The following NRXN2 variants were observed in gnomAD, a reference collection of about 807,000 sequenced individuals.
The protein encoded by NRXN2 is neurexin-2-beta.
Under a neutral mutation model 128.8 loss-of-function variants are expected in NRXN2, and 29 were observed. That is an observed-to-expected ratio of 0.23 (90% CI 0.17 to 0.31). The LOEUF (loss-of-function observed/expected upper bound fraction) is 0.31, where lower values mean the gene tolerates loss of function less well. NRXN2 is among the 10% of genes least tolerant of loss of function. The pLI is 1.00. For synonymous variants in NRXN2, 1,098 were observed against 1,075.2 expected (o/e 1.02, Z -0.41); for missense variants, 1,881 against 2,452.6 (o/e 0.77, Z 4.92).
At chr11:64,705,624 TAC>T (rs1265340671) in intron 2 of NRXN2, among the ~76,000 whole-genome samples, 2 of 151,894 alleles carry the variant, frequency 1.3e-5, no homozygotes, top group South Asian at 4.2e-4. Context: ...ATACTATCTC[TAC>T]ACACACACAG....
At chr11:64,713,969 T>C (rs2135678603) in intron 1 of NRXN2, 26 bp from the exon 2 acceptor site, 1 of 154,956 alleles carries the variant, frequency 6.5e-6, no homozygotes, top group Non-Finnish European at 1.4e-5. Flanking sequence ...GAGGAAAGGG[T>C]TAATGAGAAC....
chr11:64,712,843 AC>A, intron 2 of NRXN2, 126 bp downstream of exon 2: 3 of 865,572 alleles, frequency 3.5e-6, no homozygotes, highest in Non-Finnish European at 5.4e-6. Context: ...GAGCGCTCGC[AC>A]CCACTCACAA....
At position 64,660,839 on chromosome 11, in the gene NRXN2, C is replaced by A; in HGVS notation, c.2099G>T (p.Arg700Leu). Residue 700 changes from arginine to leucine, a missense_variant, in exon 10 of 23, where the codon CGC becomes CTC. Arg to Leu is a moderately radical substitution (Grantham distance 102). Around this residue, in one of 7 missense-constraint regions of NRXN2, gnomAD observed 997 missense variants for 1,240.8 expected, o/e 0.80. Transcript: ENST00000265459. The surrounding 1 kb of genome is among the most constrained non-coding windows in gnomAD (Gnocchi z 5.2). ...GCCTTCTCGACAGACGCCCCCATTG[C>A]GACAGGGGGCAGATGCACACTGCTT... Reference protein sequence around the residue: ...TLKQCASAPCRNGGVCREGWN... With the variant: ...TLKQCASAPCLNGGVCREGWN... The A allele has an allele frequency of 1.2e-6, 2 of 1,614,012 alleles. No individual in the cohort carries two copies. The highest frequency in any genetic ancestry group is 1.7e-6 in the Non-Finnish European group (2 of 1,179,974).
chr11:64,677,058 G>C, intron 6 of NRXN2, 21 bp from the exon 7 acceptor site: 1 of 1,366,776 alleles, frequency 7.3e-7, no homozygotes, highest in Non-Finnish European at 9.8e-7. Flanking sequence ...GATATGGGGG[G>C]ATGGGGAGGA....
At chr11:64,703,068 C>T (rs1286019907) in intron 2 of NRXN2, among the ~76,000 whole-genome samples, 1 of 151,314 alleles carries the variant, frequency 6.6e-6, no homozygotes, top group Non-Finnish European at 1.5e-5. Flanking sequence ...GAGAGCTAGC[C>T]TTCCTCTTTT....
Position 64,607,029 on chromosome 11 carries a change from G to A in NRXN2, c.*167C>T. The A allele has an allele frequency of 1.4e-6, 1 of 710,628 alleles. No homozygotes were observed. The highest frequency in any genetic ancestry group is 2.3e-6 in the Non-Finnish European group (1 of 439,576). 44.0% of individuals were successfully genotyped at this position (710,628 alleles called of 1,614,324 possible). Reference sequence around the variant, plus strand: ...CGCGCAGTGGACGGCAGGAGGAAGGGGGCGAGCACGGGGTTTTTCCTTTTC... The same window carrying A: ...CGCGCAGTGGACGGCAGGAGGAAGGAGGCGAGCACGGGGTTTTTCCTTTTC... On this transcript the variant is annotated 3_prime_UTR_variant, in exon 23 of 23. Transcript: ENST00000265459.
At position 64,661,027 on chromosome 11, in the gene NRXN2, C is replaced by T. The variant is rs745648181; in HGVS notation, c.1911G>A (p.Val637=). 1.9e-6 allele frequency: 3 copies of T among 1,613,582 alleles called. No homozygotes were observed. Among genetic ancestry groups the T allele is most frequent in the South Asian group, 1.1e-5 (1 of 91,084 alleles). The change falls in exon 10 of 23, where the codon GTG becomes GTA. Residue 637 remains valine (V), a synonymous_variant. Coordinates refer to ENST00000265459, the MANE Select transcript of NRXN2 (RefSeq NM_015080.4). ...YLGGLPEGGR[V]DLPLPPEVWT... ...ACACCTCTGGGGGCAGGGGCAGGTCCACCCGGCCCCCCTCAGGGAGACCGC... is the reference window on the plus strand; with the variant it reads ...ACACCTCTGGGGGCAGGGGCAGGTCTACCCGGCCCCCCTCAGGGAGACCGC...
intron 6 of NRXN2, among the ~76,000 whole-genome samples, chr11:64,682,342 C>A (rs1343668390): frequency 1.3e-5 from 2 of 151,624 alleles, no homozygotes; most frequent in Non-Finnish European, 2.9e-5. Flanking sequence ...TTAGGGGACT[C>A]CATCCTTGGC....
At chr11:64,698,374 CA>C (rs1160367678) in intron 2 of NRXN2, among the ~76,000 whole-genome samples, 1 of 152,214 alleles carries the variant, frequency 6.6e-6, no homozygotes, top group Non-Finnish European at 1.5e-5. Flanking sequence ...CTGACCCTCC[CA>C]GGGGTGAAAA....
chr11:64,693,541 G>C (rs1419988263), intron 3 of NRXN2, among the ~76,000 whole-genome samples: 1 of 152,084 alleles, frequency 6.6e-6, no homozygotes, highest in Non-Finnish European at 1.5e-5. Flanking sequence ...AAGATGGGGG[G>C]ATATAAAGAA....
chr11:64,640,084 C>A (rs1173437706), intron 17 of NRXN2, among the ~76,000 whole-genome samples: 3 of 152,054 alleles, frequency 2.0e-5, no homozygotes, highest in South Asian at 4.2e-4. Context: ...CCTCCCACCC[C>A]CTTCTATCGC....
chr11:64,619,477 C>G (rs890636744), intron 22 of NRXN2, among the ~76,000 whole-genome samples: 4 of 152,090 alleles, frequency 2.6e-5, no homozygotes, highest in East Asian at 1.9e-4. Context: ...AGGCCACCCC[C>G]GCTTTGCCAG....
chr11:64,676,986 T>C lies in NRXN2; in HGVS notation c.1197+7A>G, dbSNP rs1472505921. Reference sequence around the variant, plus strand: ...CCAAACGGTAAGACAATTAGAGTGATATCTACCAGATAATGCAGTTTGTTT... The same window carrying C: ...CCAAACGGTAAGACAATTAGAGTGACATCTACCAGATAATGCAGTTTGTTT... On this transcript the variant is annotated splice_region_variant and intron_variant, in intron 7 of 22. Transcript: ENST00000265459. 1 of 1,611,770 alleles carries C rather than the reference T, an allele frequency of 6.2e-7. No homozygotes were observed. Among genetic ancestry groups the C allele is most frequent in the East Asian group, 2.2e-5 (1 of 44,762 alleles).
At chr11:64,695,589 T>C (rs762259923) in intron 3 of NRXN2, among the ~76,000 whole-genome samples, 22 of 152,010 alleles carry the variant, frequency 1.4e-4, no homozygotes, top group Non-Finnish European at 2.8e-4. Context: ...CTAACTCTCC[T>C]ACTGAAACCC....
chr11:64,667,256 G>A lies in NRXN2; in HGVS notation c.1792C>T (p.Arg598Ter). The change falls in exon 9 of 23, where the codon CGA becomes TGA. Residue 598 changes from arginine to a stop codon, truncating the protein, a stop_gained. Coordinates refer to ENST00000265459, the MANE Select transcript of NRXN2 (RefSeq NM_015080.4). LOFTEE classifies it high-confidence loss of function. The surrounding 1 kb of genome is among the most constrained non-coding windows in gnomAD (Gnocchi z 5.6). The stretch of plus-strand genomic sequence containing the variant: ...GGTCCAGAGGCCTCCTGACCTTTTC[G>A]CCCATCCCTCTGGAAGTCCACGTGA... Reference protein sequence around the residue: ...WCHVDFQRDGRKGSISVNSRS... With the variant: ...WCHVDFQRDG 4 of 1,614,142 alleles carry A rather than the reference G, an allele frequency of 2.5e-6. No homozygotes were observed. The highest frequency in any genetic ancestry group is 3.4e-6 in the Non-Finnish European group (4 of 1,180,030).
chr11:64,660,465 C>T lies in NRXN2; in HGVS notation c.2256G>A (p.Glu752=), dbSNP rs748496310. The T allele has an allele frequency of 2.5e-6, 4 of 1,614,162 alleles. No homozygotes were observed. Among genetic ancestry groups the T allele is most frequent in the Non-Finnish European group, 3.4e-6 (4 of 1,180,024 alleles). ...KIMLPNAMHT[E]AEDVSLRFMS... is the part of the protein sequence containing the mutation. ...TGAAACGCAGGGACACATCCTCTGC[C>T]TCCGTGTGCATGGCGTTAGGCAGCA... The change falls in exon 11 of 23, where the codon GAG becomes GAA. Residue 752 remains glutamate, a synonymous_variant. Transcript: ENST00000265459. This position sits in a 1 kb window ranked among gnomAD's most constrained non-coding sequence, Gnocchi z 5.2.
Position 64,650,597 on chromosome 11 carries a change from A to G in NRXN2, c.2960T>C (p.Leu987Ser). 1 of 1,614,102 alleles carries G rather than the reference A, an allele frequency of 6.2e-7. No individual in the cohort carries two copies. The highest frequency in any genetic ancestry group is 8.5e-7 in the Non-Finnish European group (1 of 1,180,020). ...YVFDLGNGPS[L>S]MKGNSDKPVN... ...TGGTTTGTCTGAGTTCCCCTTCATCAAGGACGGGCCATTCCCCAGGTCAAA... is the reference window on the plus strand; with the variant it reads ...TGGTTTGTCTGAGTTCCCCTTCATCGAGGACGGGCCATTCCCCAGGTCAAA... The change falls in exon 15 of 23, where the codon TTG becomes TCG. Residue 987 changes from leucine (L) to serine (S), a missense_variant. Leu to Ser is a moderately radical substitution (Grantham distance 145, BLOSUM62 -2). This residue lies in a region of NRXN2 where 390 missense variants were observed against 599.6 expected (regional missense o/e 0.65). Coordinates refer to ENST00000265459, the MANE Select transcript of NRXN2 (RefSeq NM_015080.4).
chr11:64,669,223 A>G (rs777613660), intron 7 of NRXN2, among the ~76,000 whole-genome samples: 6 of 152,114 alleles, frequency 3.9e-5, no homozygotes, highest in Non-Finnish European at 8.8e-5. Context: ...GGGGTTGCCT[A>G]TTGGGGTTGA....
At position 64,606,495 on chromosome 11, in the gene NRXN2, C is replaced by A. The variant is rs1218337698; in HGVS notation, c.*701G>T. On this transcript the variant is annotated 3_prime_UTR_variant, in exon 23 of 23. Transcript: ENST00000265459. ...AGCTTCCCCATCAATGCACGTCGCCCGGCGGCACACACAGAACAGGCCTTC... is the reference window on the plus strand; with the variant it reads ...AGCTTCCCCATCAATGCACGTCGCCAGGCGGCACACACAGAACAGGCCTTC... 1 of 144,344 alleles carries A rather than the reference C, an allele frequency of 6.9e-6. No homozygotes were observed. The highest frequency in any genetic ancestry group is 1.5e-5 in the Non-Finnish European group (1 of 66,074). The allele number at this position is 144,344 out of a possible 1,614,324, so 8.9% of individuals were successfully genotyped here.
Sources: gnomAD v4.1 joint callset for allele counts (sites outside exome capture counted in the v4.1 genomes callset) on GRCh38, gnomAD v4.1.1 for gene constraint, gnomAD v4.1.1 regional missense constraint, Gnocchi (gnomAD v3.1) non-coding constraint, MANE v1.5 for transcripts, NCBI Gene and HGNC (gene_info 2026-07-23, HGNC 2026-07-21) for gene names.